The following CFAP70 variants were observed in gnomAD, a reference collection of about 807,000 sequenced individuals.
CFAP70 encodes cilia and flagella associated protein 70.
Under a neutral mutation model 137.6 loss-of-function variants are expected in CFAP70, and 81 were observed. The ratio of observed to expected loss-of-function variants is 0.59; its 90% CI spans 0.49 to 0.71. CFAP70 has a LOEUF of 0.71. Among genes scored for constraint, CFAP70 ranks in the 30% least tolerant of loss-of-function variants. The pLI is 0.00. For missense variants in CFAP70, 976 were observed against 1,226.7 expected, an observed-to-expected ratio of 0.80 and a Z score of 3.05; for synonymous variants, 382 against 423.6, an observed-to-expected ratio of 0.90 and a Z score of 1.20.
At chr10:73,344,868 C>T (rs2053576508) in intron 5 of CFAP70, among the ~76,000 whole-genome samples, 197 bp downstream of exon 6, 1 of 151,612 alleles carries the variant, frequency 6.6e-6, no homozygotes, top group Admixed American at 6.6e-5. Flanking sequence ...ATATTTAATG[C>T]ATAATATATA....
exon 13 of CFAP70, chr10:73,299,641 C>A: frequency 6.2e-7 from 1 of 1,612,650 alleles, no homozygotes; most frequent in Non-Finnish European, 8.5e-7. Flanking sequence ...TAAGAGGAGG[C>A]CTTGGAGGAA....
chr10:73,332,043 G>C (rs1301906772), intron 7 of CFAP70, among the ~76,000 whole-genome samples: 1 of 152,158 alleles, frequency 6.6e-6, no homozygotes, highest in Non-Finnish European at 1.5e-5. Context: ...ATCCATCATA[G>C]AATTGAGGTC....
intron 3 of CFAP70, 69 bp downstream of exon 3, chr10:73,353,486 GC>G: frequency 7.4e-7 from 1 of 1,358,324 alleles, no homozygotes; most frequent in Non-Finnish European, 1.0e-6. Flanking sequence ...TTTTGGTTGT[GC>G]TTTTCCCATC....
chr10:73,359,892 C>T (rs1453020034), upstream of CFAP70, among the ~76,000 whole-genome samples: 3 of 150,844 alleles, frequency 2.0e-5, no homozygotes. Flanking sequence ...TGGTGAAACA[C>T]ACTAAAAAAA....
intron 8 of CFAP70, among the ~76,000 whole-genome samples, chr10:73,324,264 C>T (rs192474575): frequency 4.1e-4 from 62 of 152,354 alleles, no homozygotes; most frequent in Non-Finnish European, 6.2e-4. Context: ...AACAGATCTG[C>T]AGCTGAGGGT....
intron 8 of CFAP70, among the ~76,000 whole-genome samples, chr10:73,323,704 C>A (rs1360631972): frequency 6.6e-6 from 1 of 152,194 alleles, no homozygotes; most frequent in East Asian, 1.9e-4. Context: ...GGTCCTATGC[C>A]CATGGAGTCT....
intron 9 of CFAP70, among the ~76,000 whole-genome samples, chr10:73,322,281 C>T (rs941306228): frequency 1.4e-4 from 21 of 152,138 alleles, no homozygotes; most frequent in Admixed American, 1.3e-3. Context: ...CTTTGTAATA[C>T]ATCCCTCCTT....
At chr10:73,349,363 C>G (rs1054542063) in intron 3 of CFAP70, among the ~76,000 whole-genome samples, 5 of 151,814 alleles carry the variant, frequency 3.3e-5, no homozygotes, top group African/African-American at 1.2e-4. Flanking sequence ...CACAATGAAA[C>G]CCCATCTCTA....
At chr10:73,323,769 G>C (rs944013085) in intron 8 of CFAP70, among the ~76,000 whole-genome samples, 9 of 152,360 alleles carry the variant, frequency 5.9e-5, no homozygotes, top group Admixed American at 4.6e-4. Context: ...CAGCAAGGCT[G>C]GGGGAGGGGT....
intron 9 of CFAP70, among the ~76,000 whole-genome samples, chr10:73,321,139 G>A (rs533111934): frequency 7.9e-5 from 12 of 152,092 alleles, no homozygotes; most frequent in Admixed American, 3.9e-4. Flanking sequence ...ATTCCTGGCC[G>A]GGCGCAGTGG....
intron 4 of CFAP70, among the ~76,000 whole-genome samples, chr10:73,347,795 C>T (rs1231116403): frequency 6.6e-6 from 1 of 152,128 alleles, no homozygotes; most frequent in Non-Finnish European, 1.5e-5. Context: ...CTACCATGCC[C>T]TAAAGTATAT....
At chr10:73,299,100 G>A in exon 14 of CFAP70, 1 of 1,603,254 alleles carries the variant, frequency 6.2e-7, no homozygotes, top group African/African-American at 1.3e-5. Context: ...GTCACTCACT[G>A]CCTAAGAAAA....
intron 5 of CFAP70, among the ~76,000 whole-genome samples, chr10:73,344,770 T>G (rs1465271017): frequency 6.6e-6 from 1 of 152,144 alleles, no homozygotes; most frequent in Non-Finnish European, 1.5e-5. Flanking sequence ...ATCTGCAAAA[T>G]GTACACATAA....
At chr10:73,317,709 ATGTAGTT>A (rs944177771) in intron 9 of CFAP70, among the ~76,000 whole-genome samples, 54 of 152,096 alleles carry the variant, frequency 3.6e-4, no homozygotes, top group Middle Eastern at 3.4e-3. Context: ...TGCCATTTTG[ATGTAGTT>A]TGGCTCTTTA....
chr10:73,359,392 G>A (rs2132610418), upstream of CFAP70, among the ~76,000 whole-genome samples: 1 of 152,286 alleles, frequency 6.6e-6, no homozygotes, highest in Admixed American at 6.5e-5. Context: ...TTAATGAACT[G>A]CAGCCATACA....
At chr10:73,321,671 T>A (rs2050863056) in intron 9 of CFAP70, among the ~76,000 whole-genome samples, 1 of 152,130 alleles carries the variant, frequency 6.6e-6, no homozygotes, top group African/African-American at 2.4e-5. Flanking sequence ...GATTTTAACA[T>A]TTTTACACCT....
chr10:73,299,688 T>C (rs752849402), intron 12 of CFAP70, 23 bp from the exon 14 acceptor site: 3 of 1,583,234 alleles, frequency 1.9e-6, no homozygotes, highest in Non-Finnish European at 2.6e-6. Flanking sequence ...AGAAAAAAAA[T>C]AAAAAAACAA....
chr10:73,299,251 A>G (rs933025501), intron 13 of CFAP70, 150 bp from the exon 15 acceptor site: 2 of 672,778 alleles, frequency 3.0e-6, no homozygotes, highest in African/African-American at 1.8e-5. Context: ...TCTCTCGCCC[A>G]GGCTGGAGTA....
intron 7 of CFAP70, among the ~76,000 whole-genome samples, 156 bp from the exon 9 acceptor site, chr10:73,331,432 G>C (rs1329243545): frequency 6.6e-6 from 1 of 152,194 alleles, no homozygotes; most frequent in Non-Finnish European, 1.5e-5. Flanking sequence ...GTAAATGCCA[G>C]CACTTTGAGA....
Sources: gnomAD v4.1 joint callset for allele counts (sites outside exome capture counted in the v4.1 genomes callset) on GRCh38, gnomAD v4.1.1 for gene constraint, MANE v1.5 for transcripts, NCBI Gene and HGNC (gene_info 2026-07-23, HGNC 2026-07-21) for gene names.